Variants in BOC observed in about 807,000 individuals in gnomAD.
The protein encoded by BOC is BOC cell adhesion associated, oncogene regulated.
BOC carries 76 observed loss-of-function variants against 112.0 expected under a neutral mutation model. That is an observed-to-expected ratio of 0.68 (90% confidence interval 0.56 to 0.82). The LOEUF (loss-of-function observed/expected upper bound fraction) is 0.82, where lower values mean the gene tolerates loss of function less well. Ranked by LOEUF, BOC falls within the 40% of genes least tolerant of loss-of-function variation. The pLI, the probability that BOC is intolerant of heterozygous loss-of-function variation, is 0.00. For missense variants in BOC, 1,309 were observed against 1,511.7 expected, an observed-to-expected ratio of 0.87 and a Z score of 2.22; for synonymous variants, 580 against 599.8, an observed-to-expected ratio of 0.97 and a Z score of 0.48.
rs1023656875 is a variant in BOC, at chr3:113,262,291, A to C, written c.377-6008A>C. On this transcript the variant is annotated intron_variant, in intron 4 of 19. Transcript: ENST00000682979. The stretch of plus-strand genomic sequence containing the variant: ...TGGAGTGCTGGTGGAGGTGGTGAGG[A>C]CTACGCTGGAGAACACCACGCTTGT... 5.9e-5 allele frequency among the ~76,000 whole-genome samples: 9 copies of C among 152,342 alleles called. No homozygotes were observed. In the South Asian group the frequency reaches 1.9e-3, roughly 32 times the overall value.
chr3:113,249,979 C>A, intron 3 of BOC, 80 bp downstream of exon 3: 1 of 1,208,800 alleles, frequency 8.3e-7, no homozygotes, highest in Non-Finnish European at 1.2e-6. Context: ...TTTAAAAAGG[C>A]CTTCTTTACC....
chr3:113,279,288 C>G lies in BOC; in HGVS notation c.1856C>G (p.Ser619Cys), dbSNP rs2107711767. 1.2e-6 allele frequency: 2 copies of G among 1,614,190 alleles called. No individual in the cohort carries two copies. The highest frequency in any genetic ancestry group is 4.5e-5 in the East Asian group (2 of 44,874). Residue 619 changes from serine to cysteine, a missense_variant, in exon 12 of 20, where the codon TCC becomes TGC. Physicochemically the swap from Ser to Cys is moderately radical, Grantham distance 112 (BLOSUM62 -1). Transcript: ENST00000682979. Reference sequence around the variant, plus strand: ...GACAGGCCCACCATCTCCACGGCCTCCGAGACCTCAGTGTACGTGACCTGG... The same window carrying G: ...GACAGGCCCACCATCTCCACGGCCTGCGAGACCTCAGTGTACGTGACCTGG... ...APDRPTISTA[S>C]ETSVYVTWIP...
rs145651375 is a variant in BOC at position 113,250,960 on chromosome 3, T to C, written c.376+127T>C. 9 of 1,239,072 alleles carry C rather than the reference T, an allele frequency of 7.3e-6. No homozygotes were observed. In the East Asian group the frequency reaches 2.3e-4, roughly 31 times the overall value. 76.8% of individuals were successfully genotyped at this position (1,239,072 alleles called of 1,614,324 possible). ...AAAATGGGCCTTAACTGCAGAAATG[T>C]CAAATCAGAACAGTAGCTGCCTAGT... On this transcript the variant is annotated intron_variant, in intron 4 of 19. Transcript: ENST00000682979.
intron 19 of BOC, among the ~76,000 whole-genome samples, chr3:113,286,405 A>C (rs1297013491): frequency 6.6e-6 from 1 of 152,202 alleles, no homozygotes; most frequent in African/African-American, 2.4e-5. Context: ...CACGGGCTGC[A>C]CTGACTTCAT....
chr3:113,254,625 C>T (rs551381249), intron 4 of BOC, among the ~76,000 whole-genome samples: 35 of 152,324 alleles, frequency 2.3e-4, no homozygotes, highest in Admixed American at 7.2e-4. Flanking sequence ...AGCGGCGTGC[C>T]GGTGCACACG....
chr3:113,281,209 A>T, intron 15 of BOC, 56 bp downstream of exon 15: 8 of 1,600,942 alleles, frequency 5.0e-6, no homozygotes, highest in Non-Finnish European at 6.8e-6. Context: ...GGGAAGGCAG[A>T]GTCACCATTC....
At chr3:113,241,810 T>G (rs1476529677) in intron 2 of BOC, among the ~76,000 whole-genome samples, 2 of 152,102 alleles carry the variant, frequency 1.3e-5, no homozygotes, top group African/African-American at 2.4e-5. Flanking sequence ...TGACTGGCAG[T>G]TGAACCCCCT....
At chr3:113,236,302 A>ATACCCATGGG (rs1943542006) in intron 2 of BOC, among the ~76,000 whole-genome samples, 1 of 118,910 alleles carries the variant, frequency 8.4e-6, no homozygotes, top group Non-Finnish European at 1.8e-5. Context: ...ATATATATAT[A>ATACCCATGGG]TATATATATA....
chr3:113,231,694 A>T (rs1576353138), intron 2 of BOC, among the ~76,000 whole-genome samples: 1 of 152,108 alleles, frequency 6.6e-6, no homozygotes, highest in East Asian at 1.9e-4. Flanking sequence ...TTAATATAGC[A>T]TTTTCCTAAA....
chr3:113,249,298 G>A (rs1417762993), intron 2 of BOC, among the ~76,000 whole-genome samples: 1 of 152,132 alleles, frequency 6.6e-6, no homozygotes, highest in Non-Finnish European at 1.5e-5. Context: ...CACATGGCAG[G>A]GCACATGGCT....
chr3:113,219,610 C>A (rs1293191975), intron 2 of BOC, among the ~76,000 whole-genome samples: 1 of 152,220 alleles, frequency 6.6e-6, no homozygotes, highest in African/African-American at 2.4e-5. Context: ...CAAAGCAGAG[C>A]TCTTCTAGCT....
intron 4 of BOC, among the ~76,000 whole-genome samples, chr3:113,267,652 A>G (rs916527902): frequency 1.3e-5 from 2 of 152,236 alleles, no homozygotes; most frequent in African/African-American, 4.8e-5. Context: ...CCTTCTGGTT[A>G]TAACCATGGC....
rs1945419295 is a variant in BOC at position 113,250,085 on chromosome 3, G to A, written c.97+186G>A. Reference sequence around the variant, plus strand: ...AACAACATCATATTGGTTATAGTTTGGTATTTGACTCATTTCAAAGCTATA... The same window carrying A: ...AACAACATCATATTGGTTATAGTTTAGTATTTGACTCATTTCAAAGCTATA... On this transcript the variant is annotated intron_variant, in intron 3 of 19. Transcript: ENST00000682979. Among the ~76,000 whole-genome samples the A allele has an allele frequency of 2.6e-5, 4 of 152,138 alleles. No homozygotes were observed. The South Asian group carries it at 6.2e-4, about 24-fold the overall frequency.
Position 113,273,253 on chromosome 3 carries a change from G to A in BOC, c.1146G>A (p.Gly382=). Residue 382 remains glycine, a synonymous_variant, in exon 8 of 20, where the codon GGG becomes GGA. Transcript: ENST00000682979. ...GGGCCCTGCGCGTGCTCAGCATGGGGCCTGAGGACGAAGGCGTCTACCAGT... is the reference window on the plus strand; with the variant it reads ...GGGCCCTGCGCGTGCTCAGCATGGGACCTGAGGACGAAGGCGTCTACCAGT... The part of the protein sequence containing the change: ...SRRALRVLSM[G]PEDEGVYQCM... 1 of 1,613,238 alleles carries A rather than the reference G, an allele frequency of 6.2e-7. No individual in the cohort carries two copies. The highest frequency in any genetic ancestry group is 1.3e-5 in the African/African-American group (1 of 75,050).
chr3:113,258,493 C>G (rs1050214507), intron 4 of BOC, among the ~76,000 whole-genome samples: 2 of 152,210 alleles, frequency 1.3e-5, no homozygotes, highest in Non-Finnish European at 2.9e-5. Context: ...CTTCCGCCCC[C>G]GTCTGGTTCA....
intron 2 of BOC, among the ~76,000 whole-genome samples, chr3:113,231,263 A>T (rs1413655656): frequency 6.6e-6 from 1 of 152,220 alleles, no homozygotes; most frequent in African/African-American, 2.4e-5. Context: ...GAAAATTTCC[A>T]AGGTATTTAA....
At chr3:113,245,250 T>C (rs1944768283) in intron 2 of BOC, among the ~76,000 whole-genome samples, 1 of 152,192 alleles carries the variant, frequency 6.6e-6, no homozygotes, top group African/African-American at 2.4e-5. Flanking sequence ...TTTGATAAGC[T>C]TTCTTTCTCT....
chr3:113,284,983 A>G (rs1949535264), intron 18 of BOC, 125 bp downstream of exon 18: 3 of 800,582 alleles, frequency 3.7e-6, no homozygotes, highest in Non-Finnish European at 6.2e-6. Flanking sequence ...CCCGTGACTG[A>G]CAATCATGCT....
Position 113,285,431 on chromosome 3 carries a change from C to T in BOC, c.3026C>T (p.Thr1009Ile). ...TTATACACACTGCCCGACGACTCCACTCACCAGCTGCTGCAGCCCCATCAC... is the reference window on the plus strand; with the variant it reads ...TTATACACACTGCCCGACGACTCCATTCACCAGCTGCTGCAGCCCCATCAC... ...SFLYTLPDDSTHQLLQPHHDC... is the reference protein window; with the variant it reads ...SFLYTLPDDSIHQLLQPHHDC... Residue 1009 changes from threonine to isoleucine, a missense_variant, in exon 19 of 20, where the codon ACT becomes ATT. Physicochemically the swap from Thr to Ile is moderately conservative, Grantham distance 89 (BLOSUM62 -1). Transcript: ENST00000682979. 2 of 1,614,014 alleles carry T rather than the reference C, an allele frequency of 1.2e-6. No individual in the cohort carries two copies. The highest frequency in any genetic ancestry group is 1.1e-5 in the South Asian group (1 of 91,078).
Sources: allele counts gnomAD v4.1 joint callset (sites outside exome capture counted in the v4.1 genomes callset), GRCh38; gene constraint gnomAD v4.1.1; transcripts MANE v1.5; gene names NCBI Gene and HGNC (gene_info 2026-07-23, HGNC 2026-07-21).